Variants in CACNA1E observed in about 807,000 individuals in gnomAD.
The protein encoded by CACNA1E is voltage-dependent R-type calcium channel subunit alpha-1E.
Under a neutral mutation model 259.2 loss-of-function variants are expected in CACNA1E, and 40 were observed. The ratio of observed to expected loss-of-function variants is 0.15; its 90% confidence interval spans 0.12 to 0.20. The LOEUF (loss-of-function observed/expected upper bound fraction) is 0.20, where lower values mean the gene tolerates loss of function less well. Among genes scored for constraint, CACNA1E ranks in the 10% least tolerant of loss-of-function variants. CACNA1E has a pLI of 1.00. For synonymous variants in CACNA1E, 1,104 were observed against 1,138.5 expected (o/e 0.97, Z 0.61); for missense variants, 1,874 against 3,040.1 (o/e 0.62, Z 9.02).
At chr1:181,650,150 A>G (rs1433948965) in intron 6 of CACNA1E, among the ~76,000 whole-genome samples, 1 of 152,262 alleles carries the variant, frequency 6.6e-6, no homozygotes, top group Admixed American at 6.5e-5. Context: ...ATGTCACAGA[A>G]GTCCACAGGA....
chr1:181,753,491 T>G (rs1286479675), intron 27 of CACNA1E, among the ~76,000 whole-genome samples: 1 of 152,224 alleles, frequency 6.6e-6, no homozygotes, highest in Non-Finnish European at 1.5e-5. Context: ...TCTTTGACTT[T>G]CTTTCACATG....
chr1:181,390,993 T>C (rs1272733177), intron 1 of CACNA1E, among the ~76,000 whole-genome samples: 13 of 152,214 alleles, frequency 8.5e-5, no homozygotes, highest in Non-Finnish European at 1.6e-4. Context: ...ACCCAGTTAC[T>C]TAAGCCAAAA....
At chr1:181,657,008 A>G (rs1266585356) in intron 7 of CACNA1E, among the ~76,000 whole-genome samples, 1 of 152,192 alleles carries the variant, frequency 6.6e-6, no homozygotes, top group Non-Finnish European at 1.5e-5. Flanking sequence ...CTAGCAATGC[A>G]TTTCTCAGAA....
At chr1:181,332,656 G>T (rs959120329) in intron 1 of CACNA1E, among the ~76,000 whole-genome samples, 13 of 152,162 alleles carry the variant, frequency 8.5e-5, no homozygotes, top group Admixed American at 2.0e-4. Context: ...AGCACATATT[G>T]ACTTTTGAAG....
intron 43 of CACNA1E, 31 bp downstream of exon 43, chr1:181,785,850 C>G (rs757822972): frequency 2.1e-6 from 3 of 1,419,658 alleles, no homozygotes; most frequent in Non-Finnish European, 2.9e-6. Context: ...CCTGGCATGG[C>G]TGTTTGCAAT....
intron 1 of CACNA1E, among the ~76,000 whole-genome samples, chr1:181,331,760 A>G (rs1651280986): frequency 6.6e-6 from 1 of 152,126 alleles, no homozygotes; most frequent in African/African-American, 2.4e-5. Flanking sequence ...GGTCATTCAA[A>G]CCATTAAGAT....
chr1:181,736,122 G>T (rs1656007513), intron 21 of CACNA1E, among the ~76,000 whole-genome samples, 153 bp from the exon 22 acceptor site: 1 of 152,326 alleles, frequency 6.6e-6, no homozygotes, highest in Admixed American at 6.5e-5. Context: ...CTCAGTGTCA[G>T]GTAGTAAATA....
At chr1:181,560,063 A>G (rs10910958) in intron 3 of CACNA1E, among the ~76,000 whole-genome samples, 34,468 of 151,738 alleles carry the variant, frequency 0.23, 4,491 homozygotes, top group Admixed American at 0.31. Context: ...CTTTAGTCAT[A>G]TTTGAAGTTT....
intron 6 of CACNA1E, among the ~76,000 whole-genome samples, chr1:181,638,677 C>G (rs1465028070): frequency 6.6e-6 from 1 of 152,182 alleles, no homozygotes; most frequent in Non-Finnish European, 1.5e-5. Context: ...TCACAATCTC[C>G]ATGTGTCAAG....
intron 37 of CACNA1E, among the ~76,000 whole-genome samples, chr1:181,772,831 T>C (rs1659637348): frequency 6.6e-6 from 1 of 152,164 alleles, no homozygotes; most frequent in Admixed American, 6.5e-5. Flanking sequence ...TGGGTGTTAG[T>C]AAATATTGAG....
chr1:181,761,959 T>C (rs987340233), intron 32 of CACNA1E, among the ~76,000 whole-genome samples: 1 of 152,206 alleles, frequency 6.6e-6, no homozygotes, highest in African/African-American at 2.4e-5. Flanking sequence ...AAAGATGAAG[T>C]CTATTTATCC....
chr1:181,740,392 C>T (rs765479617), intron 25 of CACNA1E, among the ~76,000 whole-genome samples: 3 of 152,138 alleles, frequency 2.0e-5, no homozygotes, highest in Non-Finnish European at 4.4e-5. Flanking sequence ...TTTAGAAACA[C>T]AGGGAAGCTG....
At chr1:181,586,236 G>C (rs1160356966) in intron 6 of CACNA1E, among the ~76,000 whole-genome samples, 1 of 152,182 alleles carries the variant, frequency 6.6e-6, no homozygotes, top group Non-Finnish European at 1.5e-5. Flanking sequence ...AAAGTATGTT[G>C]GGAGGAAGAG....
At position 181,794,910 on chromosome 1, in the gene CACNA1E, G is replaced by C; in HGVS notation, c.6074G>C (p.Arg2025Pro). 6.2e-7 allele frequency: 1 copy of C among 1,613,728 alleles called. No individual in the cohort carries two copies. The highest frequency in any genetic ancestry group is 8.5e-7 in the Non-Finnish European group (1 of 1,179,790). ...SSMRRSFSTIRDKRSNSSWLE... is the reference protein window; with the variant it reads ...SSMRRSFSTIPDKRSNSSWLE... ...ATGAGACGTTCATTTTCCACTATTC[G>C]GGATAAGCGTTCAAATTCCTCGTGG... The change falls in exon 46 of 48, where the codon CGG (arginine) becomes CCG (proline). Residue 2025 changes from arginine (R) to proline (P), a missense_variant. Coordinates refer to ENST00000367573, the MANE Select transcript of CACNA1E (RefSeq NM_001205293.3).
At chr1:181,391,937 CTCTCTCTCTGTGTGTGTG>C (rs1557965774) in intron 1 of CACNA1E, among the ~76,000 whole-genome samples, 24 of 74,866 alleles carry the variant, frequency 3.2e-4, no homozygotes, top group African/African-American at 6.6e-4. Context: ...CTCTCTCTCT[CTCTCTCTCTGTGTGTGTG>C]TGTGTGTGTG....
chr1:181,415,646 A>G (rs1244230914), intron 2 of CACNA1E, among the ~76,000 whole-genome samples: 1 of 152,246 alleles, frequency 6.6e-6, no homozygotes. Context: ...CTTTGGCAAC[A>G]CAGAGATGAC....
intron 1 of CACNA1E, among the ~76,000 whole-genome samples, chr1:181,505,805 G>A (rs1665663119): frequency 1.3e-5 from 2 of 151,912 alleles, no homozygotes; most frequent in Admixed American, 1.3e-4. Flanking sequence ...GGAGAGTGTG[G>A]GTACCTTTTG....
chr1:181,794,517 A>G lies in CACNA1E; in HGVS notation c.6028-347A>G, dbSNP rs535757020. Among the ~76,000 whole-genome samples the G allele has an allele frequency of 3.9e-5, 6 of 152,214 alleles. No homozygotes were observed. The East Asian group carries it at 9.7e-4, about 25-fold the overall frequency. ...TTAGACAATTGCCCTCACATGTTTC[A>G]AAGCAGCACAGTATTTGCTGCAGCC... On this transcript the variant is annotated intron_variant, in intron 45 of 47. Transcript: ENST00000367573.
At chr1:181,446,348 G>C (rs1004164303) in intron 2 of CACNA1E, among the ~76,000 whole-genome samples, 1 of 152,178 alleles carries the variant, frequency 6.6e-6, no homozygotes, top group Non-Finnish European at 1.5e-5. Flanking sequence ...TGGTGCCAAG[G>C]GTTTCATTCT....
Sources: gnomAD v4.1 joint callset for allele counts (sites outside exome capture counted in the v4.1 genomes callset) on GRCh38, gnomAD v4.1.1 for gene constraint, MANE v1.5 for transcripts, NCBI Gene and HGNC (gene_info 2026-07-23, HGNC 2026-07-21) for gene names.